The following NWD2 variants were observed in gnomAD, a reference collection of about 807,000 sequenced individuals.
NWD2 encodes NACHT and WD repeat domain containing 2.
Under a neutral mutation model 132.7 loss-of-function variants are expected in NWD2, and 37 were observed. That is an observed-to-expected ratio of 0.28 (90% CI 0.21 to 0.37). The LOEUF (loss-of-function observed/expected upper bound fraction) is 0.37. Among genes scored for constraint, NWD2 ranks in the 10% least tolerant of loss-of-function variants. The pLI is 1.00. For missense variants in NWD2, 1,592 were observed against 2,122.4 expected (o/e 0.75, Z 4.91); for synonymous variants, 705 against 803.0 (o/e 0.88, Z 2.06).
At chr4:37,332,687 T>C (rs1228611734) in intron 2 of NWD2, among the ~76,000 whole-genome samples, 3 of 152,160 alleles carry the variant, frequency 2.0e-5, no homozygotes, top group Non-Finnish European at 4.4e-5. Context: ...TAGGGAGAGA[T>C]TCCTGCTTTA....
chr4:37,431,092 G>A (rs1577700659), intron 4 of NWD2, among the ~76,000 whole-genome samples: 1 of 152,098 alleles, frequency 6.6e-6, no homozygotes, highest in Non-Finnish European at 1.5e-5. Context: ...CAGCCTCTCT[G>A]GGAAACAGTA....
At chr4:37,253,345 C>A (rs1353042717) in intron 1 of NWD2, among the ~76,000 whole-genome samples, 1 of 152,162 alleles carries the variant, frequency 6.6e-6, no homozygotes, top group Non-Finnish European at 1.5e-5. Flanking sequence ...ATTAGATATT[C>A]TTCTAGCCAC....
intron 3 of NWD2, among the ~76,000 whole-genome samples, chr4:37,415,764 T>G (rs1711579459): frequency 6.7e-6 from 1 of 149,074 alleles, no homozygotes; most frequent in African/African-American, 2.5e-5. Flanking sequence ...AATGCGAAAG[T>G]CCAGTTAAGG....
intron 1 of NWD2, among the ~76,000 whole-genome samples, chr4:37,306,914 C>A (rs1226638287): frequency 1.3e-5 from 2 of 151,862 alleles, no homozygotes; most frequent in East Asian, 3.9e-4. Flanking sequence ...TTCACAGCTA[C>A]TCGGAAGGCT....
At chr4:37,283,808 G>T (rs981694023) in intron 1 of NWD2, among the ~76,000 whole-genome samples, 3 of 152,136 alleles carry the variant, frequency 2.0e-5, no homozygotes, top group Non-Finnish European at 2.9e-5. Flanking sequence ...GGGCCATTCT[G>T]TGTGCTGTAG....
rs976416468 is a variant in NWD2, at chr4:37,446,906, A to G, written c.4918A>G (p.Ile1640Val). 1.3e-6 allele frequency: 2 copies of G among 1,551,754 alleles called. No homozygotes were observed. Among genetic ancestry groups the G allele is most frequent in the East Asian group, 4.9e-5 (2 of 40,922 alleles). Residue 1640 changes from isoleucine (I) to valine (V), a missense_variant, in exon 7 of 7, where the codon ATA (isoleucine) becomes GTA (valine). By Grantham distance (29) the Ile-to-Val change is conservative (BLOSUM62 3). Coordinates refer to ENST00000309447, the MANE Select transcript of NWD2 (RefSeq NM_001144990.2). The surrounding 1 kb of genome is among the most constrained non-coding windows in gnomAD (Gnocchi z 6.7). Reference protein sequence around the residue: ...NIIVGFDDGSIGIYTVVDRVD... With the variant: ...NIIVGFDDGSVGIYTVVDRVD... ...CATTGTGGGCTTTGATGATGGGAGT[A>G]TAGGGATCTACACGGTAGTAGACCG...
At chr4:37,442,954 G>A (rs1317413151) in intron 6 of NWD2, among the ~76,000 whole-genome samples, 4 of 151,762 alleles carry the variant, frequency 2.6e-5, no homozygotes, top group Non-Finnish European at 5.9e-5. Flanking sequence ...ATACAAAGCT[G>A]ACCATACTAG....
chr4:37,389,609 T>C (rs1720640374), intron 3 of NWD2, among the ~76,000 whole-genome samples: 2 of 152,182 alleles, frequency 1.3e-5, no homozygotes, highest in Admixed American at 6.5e-5. Context: ...ATCTAATGCC[T>C]GCCTCACGGG....
intron 3 of NWD2, among the ~76,000 whole-genome samples, chr4:37,367,539 C>T (rs1042665537): frequency 1.1e-4 from 17 of 152,132 alleles, no homozygotes; most frequent in African/African-American, 3.1e-4. Flanking sequence ...GCTTTTAAAA[C>T]GCTTCTACAA....
At chr4:37,358,060 ATTTT>A (rs1223868180) in intron 3 of NWD2, among the ~76,000 whole-genome samples, 1 of 152,080 alleles carries the variant, frequency 6.6e-6, no homozygotes, top group Non-Finnish European at 1.5e-5. Flanking sequence ...TTAAGAGAAT[ATTTT>A]TATTTTTAAG....
intron 2 of NWD2, among the ~76,000 whole-genome samples, chr4:37,350,390 G>A (rs1409338603): frequency 6.6e-6 from 1 of 152,068 alleles, no homozygotes; most frequent in African/African-American, 2.4e-5. Flanking sequence ...CCTTGAAGAG[G>A]TCTTTCACAT....
At chr4:37,318,339 T>C (rs1719000752) in intron 1 of NWD2, among the ~76,000 whole-genome samples, 1 of 152,194 alleles carries the variant, frequency 6.6e-6, no homozygotes, top group South Asian at 2.1e-4. Flanking sequence ...CTGCTCTAAT[T>C]TCTAAGATGT....
At chr4:37,248,446 T>A (rs2109253765) in intron 1 of NWD2, among the ~76,000 whole-genome samples, 1 of 152,168 alleles carries the variant, frequency 6.6e-6, no homozygotes, top group South Asian at 2.1e-4. Context: ...GTGGGGGAGG[T>A]GATAGCATTA....
At chr4:37,363,599 C>T (rs934164135) in intron 3 of NWD2, among the ~76,000 whole-genome samples, 2 of 152,058 alleles carry the variant, frequency 1.3e-5, no homozygotes, top group African/African-American at 4.8e-5. Flanking sequence ...TACTCATGGA[C>T]ATAAAGCTGG....
Position 37,444,163 on chromosome 4 carries a change from AAATGTCACACTCCT to A in NWD2, c.2177_2190del (p.Asn726SerfsTer19), listed in dbSNP as rs1712565734. ...GATACCTAATAGAAAGACATGTGAAAAATGTCACACTCCTAGTCTGGGCCAACAGACACCTGCAG... is the reference window on the plus strand; with the variant it reads ...GATACCTAATAGAAAGACATGTGAAAAGTCTGGGCCAACAGACACCTGCAG... On this transcript the variant is annotated frameshift_variant, in exon 7 of 7. Coordinates refer to ENST00000309447, the MANE Select transcript of NWD2 (RefSeq NM_001144990.2). LOFTEE classifies it high-confidence loss of function. This position sits in a 1 kb window ranked among gnomAD's most constrained non-coding sequence, Gnocchi z 4.8. 1 of 1,551,602 alleles carries A rather than the reference AAATGTCACACTCCT, an allele frequency of 6.4e-7. No individual in the cohort carries two copies. The highest frequency in any genetic ancestry group is 2.0e-5 in the Admixed American group (1 of 50,982).
intron 1 of NWD2, among the ~76,000 whole-genome samples, chr4:37,325,208 G>C (rs1719145000): frequency 6.6e-6 from 1 of 152,134 alleles, no homozygotes; most frequent in Non-Finnish European, 1.5e-5. Context: ...GATTCTTCGA[G>C]CTTCAGGTTC....
intron 3 of NWD2, among the ~76,000 whole-genome samples, chr4:37,416,908 G>A (rs1015282954): frequency 1.3e-5 from 2 of 151,952 alleles, no homozygotes; most frequent in South Asian, 2.1e-4. Context: ...GGATGCAAAG[G>A]CATAAGAATG....
At chr4:37,317,237 G>A (rs1336014653) in intron 1 of NWD2, among the ~76,000 whole-genome samples, 1 of 152,146 alleles carries the variant, frequency 6.6e-6, no homozygotes, top group Non-Finnish European at 1.5e-5. Context: ...CATGTAAACA[G>A]CTTCAAAGTC....
chr4:37,316,352 T>C (rs1718956752), intron 1 of NWD2, among the ~76,000 whole-genome samples: 1 of 152,124 alleles, frequency 6.6e-6, no homozygotes, highest in African/African-American at 2.4e-5. Context: ...AGTCAGCTAT[T>C]AATTGTAATG....
Sources: allele counts gnomAD v4.1 joint callset (sites outside exome capture counted in the v4.1 genomes callset), GRCh38; gene constraint gnomAD v4.1.1; non-coding constraint Gnocchi (gnomAD v3.1); transcripts MANE v1.5; gene names NCBI Gene and HGNC (gene_info 2026-07-23, HGNC 2026-07-21).